The following GFRA1 variants were observed in gnomAD, a reference collection of about 807,000 sequenced individuals.
The protein encoded by GFRA1 is GDNF family receptor alpha-1.
In GFRA1, 16 loss-of-function variants were observed where a neutral mutation model predicts 51.6. That is an observed-to-expected ratio of 0.31 (90% CI 0.21 to 0.47). GFRA1 has a LOEUF of 0.47. Among genes scored for constraint, GFRA1 ranks in the 20% least tolerant of loss-of-function variants. The pLI, the probability that GFRA1 is intolerant of heterozygous loss-of-function variation, is 1.00. For synonymous variants in GFRA1, 270 were observed against 241.3 expected (o/e 1.12, Z -1.10); for missense variants, 530 against 594.3 (o/e 0.89, Z 1.13).
chr10:116,132,801 G>A (rs543873819), intron 5 of GFRA1, among the ~76,000 whole-genome samples: 1 of 152,314 alleles, frequency 6.6e-6, no homozygotes, highest in South Asian at 2.1e-4. Context: ...GGCACAGGGA[G>A]GAGAGGGGAG....
intron 5 of GFRA1, among the ~76,000 whole-genome samples, chr10:116,128,627 G>A (rs1197890473): frequency 1.3e-5 from 2 of 151,144 alleles, no homozygotes; most frequent in African/African-American, 2.4e-5. Flanking sequence ...TCGGGAGGCT[G>A]AGGCAGGAGA....
chr10:116,260,703 C>T (rs899131780), intron 4 of GFRA1, among the ~76,000 whole-genome samples: 2 of 152,050 alleles, frequency 1.3e-5, no homozygotes, highest in African/African-American at 4.8e-5. Flanking sequence ...CTGCTTTCAC[C>T]CCTAATTTCT....
At chr10:116,086,826 T>C (rs774788067) in intron 9 of GFRA1, among the ~76,000 whole-genome samples, 12 of 152,134 alleles carry the variant, frequency 7.9e-5, no homozygotes, top group Non-Finnish European at 1.5e-4. Context: ...TTGTTTTCTG[T>C]TTTTGTTTTG....
At chr10:116,148,828 G>T (rs1469592469) in intron 5 of GFRA1, among the ~76,000 whole-genome samples, 1 of 152,218 alleles carries the variant, frequency 6.6e-6, no homozygotes, top group Non-Finnish European at 1.5e-5. Flanking sequence ...ATGAGAGAAT[G>T]AAGAGCTGGC....
At chr10:116,185,524 T>G (rs1471292659) in intron 5 of GFRA1, among the ~76,000 whole-genome samples, 1 of 152,102 alleles carries the variant, frequency 6.6e-6, no homozygotes, top group Non-Finnish European at 1.5e-5. Flanking sequence ...TGTTTACACC[T>G]CCACTCCCCA....
At chr10:116,259,511 T>C (rs1175214675) in intron 4 of GFRA1, among the ~76,000 whole-genome samples, 4 of 152,222 alleles carry the variant, frequency 2.6e-5, no homozygotes, top group Non-Finnish European at 5.9e-5. Context: ...ATAGTACGCG[T>C]GTTCTGGATT....
At chr10:116,100,079 C>T (rs1008490864) in intron 6 of GFRA1, among the ~76,000 whole-genome samples, 1 of 152,126 alleles carries the variant, frequency 6.6e-6, no homozygotes, top group African/African-American at 2.4e-5. Flanking sequence ...AAGCTGGTTT[C>T]CAAGAGGCTG....
At chr10:116,259,619 T>G (rs1219950559) in intron 4 of GFRA1, among the ~76,000 whole-genome samples, 2 of 152,086 alleles carry the variant, frequency 1.3e-5, no homozygotes, top group Non-Finnish European at 2.9e-5. Context: ...TGTCAAACAG[T>G]GTTTTAGGGT....
At chr10:116,185,512 C>A (rs1962623021) in intron 5 of GFRA1, among the ~76,000 whole-genome samples, 1 of 152,194 alleles carries the variant, frequency 6.6e-6, no homozygotes, top group Non-Finnish European at 1.5e-5. Context: ...AGCTGCCCAG[C>A]CTGTTTACAC....
At chr10:116,262,184 A>C (rs1172419413) in intron 4 of GFRA1, among the ~76,000 whole-genome samples, 2 of 152,228 alleles carry the variant, frequency 1.3e-5, no homozygotes, top group Admixed American at 1.3e-4. Context: ...ACCTTGTAAC[A>C]ATCTTCAGTT....
intron 5 of GFRA1, among the ~76,000 whole-genome samples, chr10:116,166,411 G>T (rs989881809): frequency 6.6e-6 from 1 of 152,110 alleles, no homozygotes; most frequent in Non-Finnish European, 1.5e-5. Flanking sequence ...TTACCTTGTG[G>T]CTATTTAAAT....
Position 116,119,125 on chromosome 10 carries a change from A to T in GFRA1, c.770+6096T>A, listed in dbSNP as rs1423168778. On this transcript the variant is annotated intron_variant, in intron 6 of 10. Transcript: ENST00000355422. ...TGGAGCTGAAGGGCCACACATGCAC[A>T]TCAGGAGGTGGCGCAGGCAGAAGGG... Among the ~76,000 whole-genome samples, 3 of 152,152 alleles carry T rather than the reference A, an allele frequency of 2.0e-5. No homozygotes were observed. The South Asian group carries it at 6.2e-4, about 32-fold the overall frequency.
chr10:116,166,224 G>A (rs994140489), intron 5 of GFRA1, among the ~76,000 whole-genome samples: 1 of 152,204 alleles, frequency 6.6e-6, no homozygotes, highest in African/African-American at 2.4e-5. Flanking sequence ...TTGATCCCAT[G>A]TCTTTGCTAT....
intron 4 of GFRA1, among the ~76,000 whole-genome samples, chr10:116,236,369 T>C (rs550457128): frequency 6.6e-6 from 1 of 152,036 alleles, no homozygotes; most frequent in Admixed American, 6.6e-5. Flanking sequence ...AAATTTCCCC[T>C]CTATGCTCAA....
chr10:116,270,885 G>T lies in GFRA1; in HGVS notation c.271C>A (p.Arg91=), dbSNP rs1471253253. The change falls in exon 3 of 11, where the codon CGG becomes AGG. Residue 91 remains arginine, a synonymous_variant. Transcript: ENST00000355422. The part of the protein sequence containing the change: ...QKSLYNCRCK[R]GMKKEKNCLR... The stretch of plus-strand genomic sequence containing the variant: ...CAGTTCTTCTCCTTCTTCATACCCC[G>T]CTTGCAGCGGCAGTTGTAGAGCGAC... 1.2e-6 allele frequency: 2 copies of T among 1,613,992 alleles called. No homozygotes were observed. Among genetic ancestry groups the T allele is most frequent in the Non-Finnish European group, 1.7e-6 (2 of 1,180,002 alleles).
At chr10:116,125,093 C>A in intron 6 of GFRA1, 128 bp downstream of exon 6, 2 of 820,770 alleles carry the variant, frequency 2.4e-6, no homozygotes, top group Non-Finnish European at 2.1e-6. Flanking sequence ...CCAATCCATT[C>A]AAATGGACTG....
chr10:116,216,741 G>A (rs1965590413), intron 4 of GFRA1, among the ~76,000 whole-genome samples: 1 of 152,118 alleles, frequency 6.6e-6, no homozygotes, highest in African/African-American at 2.4e-5. Flanking sequence ...GTCCTCCTGT[G>A]GTTTGAGCTA....
intron 9 of GFRA1, among the ~76,000 whole-genome samples, chr10:116,067,243 T>C (rs375731363): frequency 6.6e-6 from 1 of 152,202 alleles, no homozygotes; most frequent in Non-Finnish European, 1.5e-5. Flanking sequence ...TAATGTGTAG[T>C]GCTTTACATG....
At position 116,272,200 on chromosome 10, in the gene GFRA1, C is replaced by T. The variant is rs1166291880; in HGVS notation, c.-171G>A. On this transcript the variant is annotated 5_prime_UTR_variant, in exon 2 of 11. Transcript: ENST00000355422. This position sits in a 1 kb window ranked among gnomAD's most constrained non-coding sequence, Gnocchi z 4.4. ...AAACTCCGGGTCTGGCAGCAGCCAC[C>T]GCCGCCGGCGACTCAGCTCCGGGAT... The T allele has an allele frequency of 1.5e-6, 1 of 665,462 alleles. No homozygotes were observed. The highest frequency in any genetic ancestry group is 2.6e-6 in the Non-Finnish European group (1 of 378,916). The allele number at this position is 665,462 out of a possible 1,614,324, so 41.2% of individuals were successfully genotyped here. A position where few individuals can be genotyped will look rare whatever the true frequency, so the allele number is the denominator to read the frequency against.
Sources: gnomAD v4.1 joint callset for allele counts (sites outside exome capture counted in the v4.1 genomes callset) on GRCh38, gnomAD v4.1.1 for gene constraint, Gnocchi (gnomAD v3.1) non-coding constraint, MANE v1.5 for transcripts, NCBI Gene and HGNC (gene_info 2026-07-23, HGNC 2026-07-21) for gene names.